NALCN: variants seen among roughly 807,000 people sequenced by gnomAD.
The protein encoded by NALCN is sodium leak channel NALCN.
Under a neutral mutation model 225.3 loss-of-function variants are expected in NALCN, and 111 were observed. The ratio of observed to expected loss-of-function variants is 0.49; its 90% CI spans 0.42 to 0.58. The LOEUF (loss-of-function observed/expected upper bound fraction) is 0.58. NALCN is among the 20% of genes least tolerant of loss of function. NALCN has a pLI of 0.00. For synonymous variants in NALCN, 764 were observed against 769.0 expected (o/e 0.99, Z 0.11); for missense variants, 1,378 against 2,202.4 (o/e 0.63, Z 7.49).
At chr13:101,399,479 G>A (rs1384443866) in intron 1 of NALCN, among the ~76,000 whole-genome samples, 1 of 152,156 alleles carries the variant, frequency 6.6e-6, no homozygotes, top group Non-Finnish European at 1.5e-5. Flanking sequence ...CTTTTTAGAT[G>A]TATGCTCTTA....
intron 6 of NALCN, among the ~76,000 whole-genome samples, chr13:101,361,022 C>T (rs1408588036): frequency 6.6e-6 from 1 of 152,166 alleles, no homozygotes; most frequent in East Asian, 1.9e-4. Context: ...CGATTGATTT[C>T]TAACCTGGCC....
At chr13:101,227,818 C>T (rs2041204379) in intron 13 of NALCN, among the ~76,000 whole-genome samples, 1 of 152,206 alleles carries the variant, frequency 6.6e-6, no homozygotes, top group African/African-American at 2.4e-5. Context: ...CTTTTGTCCT[C>T]CTCTTACCAT....
rs116775799 is a variant in NALCN, at chr13:101,148,879, G to A, written c.1840-3983C>T. 8.3e-3 allele frequency among the ~76,000 whole-genome samples: 1,257 copies of A among 152,320 alleles called. 20 individuals are homozygous for A. Among genetic ancestry groups the A allele is most frequent in the African/African-American group, 0.029 (1,198 of 41,540 alleles). Reference sequence around the variant, plus strand: ...ATTGATTGATTGAATAAATTTGTTAGTGTGGAGTATGCGTGTCCTTAGATT... The same window carrying A: ...ATTGATTGATTGAATAAATTTGTTAATGTGGAGTATGCGTGTCCTTAGATT... On this transcript the variant is annotated intron_variant, in intron 15 of 43. Transcript: ENST00000251127.
At chr13:101,229,171 C>T (rs552011454) in intron 13 of NALCN, among the ~76,000 whole-genome samples, 20 of 152,196 alleles carry the variant, frequency 1.3e-4, no homozygotes, top group South Asian at 4.1e-4. Context: ...TAGATTATTT[C>T]CAGAATTTTA....
chr13:101,119,854 C>T (rs1163931013), intron 18 of NALCN, among the ~76,000 whole-genome samples: 1 of 152,170 alleles, frequency 6.6e-6, no homozygotes, highest in Non-Finnish European at 1.5e-5. Context: ...AACTCAGATG[C>T]CTGTTTGTGC....
intron 34 of NALCN, 139 bp from the exon 35 acceptor site, chr13:101,076,080 A>G: frequency 1.7e-6 from 1 of 579,178 alleles, no homozygotes; most frequent in Non-Finnish European, 2.8e-6. Flanking sequence ...GATCTAAAAA[A>G]GGTGCTGAAA....
At chr13:101,127,996 CAA>C (rs989553399) in intron 17 of NALCN, among the ~76,000 whole-genome samples, 7 of 152,020 alleles carry the variant, frequency 4.6e-5, no homozygotes, top group African/African-American at 1.4e-4. Flanking sequence ...ATTAGCAAAA[CAA>C]AGAATACAGA....
intron 2 of NALCN, 150 bp from the exon 3 acceptor site, chr13:101,395,515 T>C (rs750883824): frequency 3.0e-6 from 2 of 672,748 alleles, no homozygotes; most frequent in Middle Eastern, 8.3e-4. Flanking sequence ...ACTAAGTGCA[T>C]ATAATGTGCT....
intron 13 of NALCN, among the ~76,000 whole-genome samples, chr13:101,226,223 G>T (rs1329827724): frequency 2.0e-5 from 3 of 151,960 alleles, no homozygotes. Context: ...CCTCTGACCA[G>T]AAACACGCCA....
intron 18 of NALCN, among the ~76,000 whole-genome samples, chr13:101,111,552 C>A (rs2035438045): frequency 1.3e-5 from 2 of 152,092 alleles, no homozygotes; most frequent in South Asian, 2.1e-4. Flanking sequence ...GCCAGCCTAC[C>A]CACAGTGATA....
chr13:101,114,668 G>A (rs987661349), intron 18 of NALCN, among the ~76,000 whole-genome samples: 2 of 152,176 alleles, frequency 1.3e-5, no homozygotes, highest in East Asian at 3.8e-4. Context: ...AGCTTGGAGA[G>A]AGACATGACT....
At chr13:101,208,414 G>A (rs568936265) in intron 13 of NALCN, among the ~76,000 whole-genome samples, 65 of 152,258 alleles carry the variant, frequency 4.3e-4, no homozygotes, top group African/African-American at 1.1e-3. Flanking sequence ...AAGGGTCTGC[G>A]GCTTCATTCT....
At chr13:101,064,712 C>T (rs2032227583) in intron 40 of NALCN, among the ~76,000 whole-genome samples, 1 of 152,124 alleles carries the variant, frequency 6.6e-6, no homozygotes, top group African/African-American at 2.4e-5. Context: ...CCCTCACAGG[C>T]CTCAGAAGGA....
At chr13:101,289,999 G>A (rs2043492479) in intron 9 of NALCN, among the ~76,000 whole-genome samples, 1 of 152,164 alleles carries the variant, frequency 6.6e-6, no homozygotes, top group East Asian at 1.9e-4. Context: ...AGGAGCTTTG[G>A]TTGCTTAGCA....
At chr13:101,135,865 A>G (rs1225181285) in intron 17 of NALCN, among the ~76,000 whole-genome samples, 1 of 152,194 alleles carries the variant, frequency 6.6e-6, no homozygotes, top group Non-Finnish European at 1.5e-5. Context: ...TCCAAGATAG[A>G]TTTAGCAGCG....
intron 31 of NALCN, 122 bp from the exon 32 acceptor site, chr13:101,083,320 C>T (rs1292742763): frequency 7.4e-6 from 6 of 813,670 alleles, no homozygotes; most frequent in Non-Finnish European, 1.2e-5. Context: ...ACAGTTCCGT[C>T]TATTGTGAGG....
chr13:101,311,420 G>T (rs968591608), intron 7 of NALCN, among the ~76,000 whole-genome samples: 1 of 148,720 alleles, frequency 6.7e-6, no homozygotes, highest in Non-Finnish European at 1.5e-5. Context: ...GGTGAGAGAG[G>T]GCATCCCTGT....
intron 11 of NALCN, among the ~76,000 whole-genome samples, chr13:101,244,949 C>T (rs956957055): frequency 1.3e-5 from 2 of 152,186 alleles, no homozygotes; most frequent in African/African-American, 4.8e-5. Flanking sequence ...TGCTGGGAGC[C>T]ATCTAAAAGG....
At chr13:101,211,650 C>CTATA (rs5806203) in intron 13 of NALCN, among the ~76,000 whole-genome samples, 8,356 of 145,372 alleles carry the variant, frequency 0.057, 341 homozygotes, top group African/African-American at 0.12. Flanking sequence ...TGACAATAAA[C>CTATA]TATATATATA....
Sources: allele counts gnomAD v4.1 joint callset (sites outside exome capture counted in the v4.1 genomes callset), GRCh38; gene constraint gnomAD v4.1.1; transcripts MANE v1.5; gene names NCBI Gene and HGNC (gene_info 2026-07-23, HGNC 2026-07-21).